The following ACAP2 variants were observed in gnomAD, a reference collection of about 807,000 sequenced individuals.
ACAP2 encodes the protein arf-GAP with coiled-coil, ANK repeat and PH domain-containing protein 2.
A neutral mutation model predicts 115.8 loss-of-function variants in ACAP2; 39 were observed. The observed-to-expected ratio is 0.34, with a 90% CI of 0.26 to 0.44. The LOEUF (loss-of-function observed/expected upper bound fraction) is 0.44. Ranked by LOEUF, ACAP2 falls within the 20% of genes least tolerant of loss-of-function variation. The probability of loss-of-function intolerance (pLI) is 1.00; values close to 1 mark genes in which losing one functional copy is unlikely to be tolerated. For synonymous variants in ACAP2, 289 were observed against 315.8 expected (o/e 0.92, Z 0.90); for missense variants, 662 against 927.6 (o/e 0.71, Z 3.72).
intron 4 of ACAP2, among the ~76,000 whole-genome samples, chr3:195,369,386 G>A (rs1560295140): frequency 6.6e-6 from 1 of 152,134 alleles, no homozygotes; most frequent in Non-Finnish European, 1.5e-5. Context: ...CCTAGTACTT[G>A]ATAAGTTATT....
intron 4 of ACAP2, among the ~76,000 whole-genome samples, chr3:195,346,979 T>C (rs1433137921): frequency 1.3e-5 from 2 of 152,114 alleles, no homozygotes; most frequent in Non-Finnish European, 1.5e-5. Flanking sequence ...GAAGGGTTAA[T>C]AATGGGGCAA....
chr3:195,390,530 T>C (rs1734598919), intron 2 of ACAP2, among the ~76,000 whole-genome samples: 1 of 152,178 alleles, frequency 6.6e-6, no homozygotes, highest in Admixed American at 6.6e-5. Context: ...TTCAAAACAT[T>C]TGAAAACCTT....
At chr3:195,422,323 CATA>C (rs200835851) in intron 1 of ACAP2, among the ~76,000 whole-genome samples, 14 of 151,998 alleles carry the variant, frequency 9.2e-5, no homozygotes, top group Admixed American at 2.6e-4. Context: ...CATTATCACA[CATA>C]ATAATAACAA....
At chr3:195,380,194 A>C (rs553523488) in intron 4 of ACAP2, among the ~76,000 whole-genome samples, 1 of 152,204 alleles carries the variant, frequency 6.6e-6, no homozygotes, top group Non-Finnish European at 1.5e-5. Flanking sequence ...GTACATGTCA[A>C]TATTAGCATA....
At chr3:195,298,843 C>A (rs1337453149) in intron 15 of ACAP2, among the ~76,000 whole-genome samples, 7 of 152,068 alleles carry the variant, frequency 4.6e-5, no homozygotes, top group African/African-American at 1.4e-4. Context: ...GTTGGTCAGG[C>A]TGGTCTTGAA....
At chr3:195,336,504 A>C (rs572708278) in intron 7 of ACAP2, 1 of 153,196 alleles carries the variant, frequency 6.5e-6, no homozygotes, top group Admixed American at 6.5e-5. Flanking sequence ...AAAAAATTTT[A>C]AAGCAAAACA....
intron 10 of ACAP2, among the ~76,000 whole-genome samples, chr3:195,311,099 T>G (rs1373342243): frequency 8.6e-5 from 4 of 46,320 alleles, no homozygotes; most frequent in African/African-American, 4.4e-4. Context: ...TTTGTTTTTT[T>G]TTTGTTTTTT....
At position 195,320,759 on chromosome 3, in the gene ACAP2, T is replaced by C. The variant is rs757693507; in HGVS notation, c.799A>G (p.Ile267Val). The change falls in exon 10 of 23, where the codon ATA (isoleucine) becomes GTA (valine). Residue 267 changes from isoleucine (I) to valine (V), a missense_variant. Ile to Val is a conservative substitution (Grantham distance 29). Around this residue, in one of 3 missense-constraint regions of ACAP2, gnomAD observed 401 missense variants for 604.4 expected, o/e 0.66. Coordinates refer to ENST00000326793, the MANE Select transcript of ACAP2 (RefSeq NM_012287.6). ...LEYNVDAANG[I>V]VMEGYLFKRA... Reference sequence around the variant, plus strand: ...TTGAACAGATATCCTTCCATAACTATGCCATTTGCAGCATCTACGTTATAT... The same window carrying C: ...TTGAACAGATATCCTTCCATAACTACGCCATTTGCAGCATCTACGTTATAT... 4 of 1,613,722 alleles carry C rather than the reference T, an allele frequency of 2.5e-6. No homozygotes were observed. The South Asian group carries it at 3.3e-5, about 13-fold the overall frequency.
intron 1 of ACAP2, among the ~76,000 whole-genome samples, chr3:195,393,492 T>A (rs919514390): frequency 6.6e-6 from 1 of 152,094 alleles, no homozygotes; most frequent in Non-Finnish European, 1.5e-5. Flanking sequence ...TATGATAAAA[T>A]GAGATGCTCT....
intron 10 of ACAP2, among the ~76,000 whole-genome samples, chr3:195,317,320 A>G (rs755767582): frequency 5.3e-5 from 8 of 152,236 alleles, no homozygotes; most frequent in Non-Finnish European, 7.3e-5. Flanking sequence ...TAAACTTACT[A>G]GGAAATTATA....
chr3:195,423,542 G>C (rs1365701721), intron 1 of ACAP2, among the ~76,000 whole-genome samples: 1 of 147,560 alleles, frequency 6.8e-6, no homozygotes, highest in East Asian at 2.0e-4. Context: ...AAAATCGCTT[G>C]AACCTGGGAG....
chr3:195,322,966 TTAAA>T (rs1164313539), intron 9 of ACAP2, among the ~76,000 whole-genome samples: 2 of 152,188 alleles, frequency 1.3e-5, no homozygotes, highest in Non-Finnish European at 2.9e-5. Flanking sequence ...TAGAATCTCC[TTAAA>T]TACACTGATG....
intron 4 of ACAP2, among the ~76,000 whole-genome samples, chr3:195,376,078 G>C (rs1042262946): frequency 6.6e-6 from 1 of 152,014 alleles, no homozygotes; most frequent in African/African-American, 2.4e-5. Flanking sequence ...AAAAAGTCAT[G>C]TGTGTTCACA....
rs775287461 is a variant in ACAP2, at chr3:195,291,733, T to A, written c.2036A>T (p.His679Leu). The change falls in exon 20 of 23, where the codon CAC becomes CTC. Residue 679 changes from histidine (H) to leucine (L), a missense_variant. His to Leu is a moderately conservative substitution (Grantham distance 99, BLOSUM62 -3). Around this residue, in one of 3 missense-constraint regions of ACAP2, gnomAD observed 128 missense variants for 200.2 expected, o/e 0.64. Coordinates refer to ENST00000326793, the MANE Select transcript of ACAP2 (RefSeq NM_012287.6). ...TGTGTGCCCTAAGACGGTGGCATGG[T>A]GCAATGGTCCCCGCCCTTGGACATC... ...QRDVQGRGPL[H>L]HATVLGHTGQ... The A allele has an allele frequency of 6.2e-7, 1 of 1,614,038 alleles. No homozygotes were observed. Among genetic ancestry groups the A allele is most frequent in the Non-Finnish European group, 8.5e-7 (1 of 1,179,978 alleles).
In ACAP2 at chr3:195,380,031, A is replaced by G. The variant is rs540087990; in HGVS notation, c.285+978T>C. Among the ~76,000 whole-genome samples, 9 of 152,258 alleles carry G rather than the reference A, an allele frequency of 5.9e-5. No individual in the cohort carries two copies. The South Asian group carries it at 1.5e-3, about 25-fold the overall frequency. On this transcript the variant is annotated intron_variant, in intron 4 of 22. Coordinates refer to ENST00000326793, the MANE Select transcript of ACAP2 (RefSeq NM_012287.6). The stretch of plus-strand genomic sequence containing the variant: ...TGTGGAGAACTTGGAACACTCAAAC[A>G]CTGCTGGTGGAAATGTAAAATGGTA...
Position 195,291,753 on chromosome 3 carries a change from G to C in ACAP2, c.2016C>G (p.Val672=), listed in dbSNP as rs1224183223. 1.2e-6 allele frequency: 2 copies of C among 1,613,946 alleles called. No individual in the cohort carries two copies. The highest frequency in any genetic ancestry group is 2.7e-5 in the African/African-American group (2 of 74,896). Residue 672 remains valine, a synonymous_variant, in exon 20 of 23, where the codon GTC becomes GTG. Transcript: ENST00000326793. ...QNGANVNQRD[V]QGRGPLHHAT... ...CATGGTGCAATGGTCCCCGCCCTTG[G>C]ACATCTCTTTGGTTGACATTAGCAC...
chr3:195,369,446 G>T (rs1560295242), intron 4 of ACAP2, among the ~76,000 whole-genome samples: 1 of 151,892 alleles, frequency 6.6e-6, no homozygotes, highest in East Asian at 1.9e-4. Context: ...AGGGCTTCAG[G>T]GACAGTTATT....
chr3:195,422,167 C>T lies in ACAP2; in HGVS notation c.53+20628G>A, dbSNP rs528710844. The stretch of plus-strand genomic sequence containing the variant: ...ATAATGTACTCCCTTGTACCCAATA[C>T]CTAGTTTCAATGATCAGAACTTTGC... On this transcript the variant is annotated intron_variant, in intron 1 of 22. Coordinates refer to ENST00000326793, the MANE Select transcript of ACAP2 (RefSeq NM_012287.6). Among the ~76,000 whole-genome samples the T allele has an allele frequency of 3.8e-4, 58 of 152,240 alleles. No individual in the cohort carries two copies. The Middle Eastern group carries it at 0.017, about 45-fold the overall frequency.
chr3:195,403,647 A>AAT (rs1375997904), intron 1 of ACAP2, among the ~76,000 whole-genome samples: 1 of 152,254 alleles, frequency 6.6e-6, no homozygotes, highest in African/African-American at 2.4e-5. Context: ...GGTACAGGTA[A>AAT]ATGTGTAATC....
Sources: gnomAD v4.1 joint callset for allele counts (sites outside exome capture counted in the v4.1 genomes callset) on GRCh38, gnomAD v4.1.1 for gene constraint, gnomAD v4.1.1 regional missense constraint, MANE v1.5 for transcripts, NCBI Gene and HGNC (gene_info 2026-07-23, HGNC 2026-07-21) for gene names.